The following SHISA9 variants were observed in gnomAD, a reference collection of about 807,000 sequenced individuals.
The protein encoded by SHISA9 is protein shisa-9.
A neutral mutation model predicts 38.0 loss-of-function variants in SHISA9; 13 were observed. The observed-to-expected ratio is 0.34, with a 90% CI of 0.22 to 0.54. SHISA9 has a LOEUF of 0.54. Ranked by LOEUF, SHISA9 falls within the 20% of genes least tolerant of loss-of-function variation. SHISA9 has a pLI of 0.91. For synonymous variants in SHISA9, 275 were observed against 242.0 expected, an observed-to-expected ratio of 1.14 and a Z score of -1.27; for missense variants, 538 against 575.8, an observed-to-expected ratio of 0.93 and a Z score of 0.67.
intron 2 of SHISA9, among the ~76,000 whole-genome samples, chr16:12,957,180 C>A (rs1451781934): frequency 2.0e-5 from 3 of 152,192 alleles, no homozygotes; most frequent in Admixed American, 6.5e-5. Context: ...TCAGCAGAGG[C>A]ACCTTGACAT....
the SHISA9 span, among the ~76,000 whole-genome samples, chr16:13,552,507 C>G: frequency 4.0e-5 from 6 of 151,422 alleles, no homozygotes; most frequent in African/African-American, 1.5e-4. Flanking sequence ...GTGGCAAGTG[C>G]TTTTGTTACC....
chr16:13,220,925 G>C (rs866541096), intron 4 of SHISA9, among the ~76,000 whole-genome samples: 67 of 152,252 alleles, frequency 4.4e-4, no homozygotes, highest in African/African-American at 1.6e-3. Context: ...CATGGTACAG[G>C]CTGGACAGCT....
intron 2 of SHISA9, among the ~76,000 whole-genome samples, chr16:13,177,181 A>G (rs2050738518): frequency 6.6e-6 from 1 of 152,008 alleles, no homozygotes; most frequent in Non-Finnish European, 1.5e-5. Flanking sequence ...AGTGTACAGA[A>G]CCCCCTCTCA....
the SHISA9 span, among the ~76,000 whole-genome samples, chr16:13,443,584 CT>C: frequency 1.3e-5 from 2 of 152,152 alleles, no homozygotes; most frequent in Non-Finnish European, 1.5e-5. Flanking sequence ...GGACATACCC[CT>C]CTGATCAATT....
the SHISA9 span, among the ~76,000 whole-genome samples, chr16:13,358,805 C>T: frequency 6.6e-6 from 1 of 152,166 alleles, no homozygotes; most frequent in Non-Finnish European, 1.5e-5. Flanking sequence ...TGGCTGTTTT[C>T]AGCAGAGCCA....
intron 2 of SHISA9, among the ~76,000 whole-genome samples, chr16:12,922,374 G>C (rs976105601): frequency 2.6e-5 from 4 of 152,242 alleles, no homozygotes; most frequent in Admixed American, 1.3e-4. Flanking sequence ...TGCACCTGTT[G>C]TGCTTCATGC....
intron 3 of SHISA9, among the ~76,000 whole-genome samples, chr16:13,205,792 C>T (rs377132334): frequency 4.6e-5 from 7 of 152,178 alleles, no homozygotes; most frequent in East Asian, 3.9e-4. Flanking sequence ...GACAGAGTCT[C>T]ACTGTGTCAC....
chr16:13,523,516 T>C, the SHISA9 span, among the ~76,000 whole-genome samples: 1 of 152,238 alleles, frequency 6.6e-6, no homozygotes, highest in Non-Finnish European at 1.5e-5. Context: ...ACAGGAAGCA[T>C]AGCAGCATCT....
At chr16:13,293,118 A>G in the SHISA9 span, among the ~76,000 whole-genome samples, 2 of 152,156 alleles carry the variant, frequency 1.3e-5, no homozygotes, top group Non-Finnish European at 2.9e-5. Context: ...GCCTTCACAT[A>G]TTACCCAGGA....
chr16:13,178,227 G>A (rs796719278), intron 2 of SHISA9, among the ~76,000 whole-genome samples: 6 of 152,202 alleles, frequency 3.9e-5, no homozygotes, highest in African/African-American at 1.4e-4. Flanking sequence ...TGGGTCAGGT[G>A]CACGTGTGGA....
chr16:12,927,915 C>T (rs546644331), intron 2 of SHISA9, among the ~76,000 whole-genome samples: 7 of 152,094 alleles, frequency 4.6e-5, no homozygotes, highest in Non-Finnish European at 7.3e-5. Flanking sequence ...CTTCTGGTTT[C>T]AAAGATGATT....
In SHISA9 at chr16:13,015,890, C is replaced by CTTTCTTTCTT. The variant is rs1453292285; in HGVS notation, c.691+99077_691+99086dup. Among the ~76,000 whole-genome samples, 878 of 117,122 alleles carry CTTTCTTTCTT rather than the reference C, an allele frequency of 7.5e-3. 19 individuals are homozygous for CTTTCTTTCTT. The highest frequency in any genetic ancestry group is 0.012 in the Non-Finnish European group (643 of 54,568). The allele number at this position is 117,122 out of a possible 152,430, so 76.8% of individuals were successfully genotyped here. A position where few individuals can be genotyped will look rare whatever the true frequency, so the allele number is the denominator to read the frequency against. On this transcript the variant is annotated intron_variant, in intron 2 of 4. Transcript: ENST00000558583. ...TCTTTCTTTCTTTCTTTCTTTCTTT[C>CTTTCTTTCTT]TTTCTTTCTTTCTTTCTTTTCTTTC...
chr16:13,006,636 C>G lies in SHISA9; in HGVS notation c.691+89821C>G, dbSNP rs771435679. Among the ~76,000 whole-genome samples, 19 of 152,160 alleles carry G rather than the reference C, an allele frequency of 1.2e-4. 1 individual carries two copies. Among genetic ancestry groups the G allele is most frequent in the Non-Finnish European group, 2.6e-4 (18 of 68,042 alleles). On this transcript the variant is annotated intron_variant, in intron 2 of 4. Coordinates refer to ENST00000558583, the MANE Select transcript of SHISA9 (RefSeq NM_001145204.3). The stretch of plus-strand genomic sequence containing the variant: ...GCTTACCAAATATTTATTGGATGGA[C>G]AAGTTAGCGAAGAAATGAGAAAATG...
chr16:13,382,686 C>G, the SHISA9 span, among the ~76,000 whole-genome samples: 1 of 151,812 alleles, frequency 6.6e-6, no homozygotes, highest in Non-Finnish European at 1.5e-5. Context: ...TGGTGAAACC[C>G]TGTCTGTATC....
the SHISA9 span, among the ~76,000 whole-genome samples, chr16:13,514,643 G>C: frequency 6.6e-6 from 1 of 152,110 alleles, no homozygotes; most frequent in South Asian, 2.1e-4. Flanking sequence ...ACCTTCCACA[G>C]AGGCAAAAAA....
the SHISA9 span, among the ~76,000 whole-genome samples, chr16:13,253,765 T>G: frequency 6.6e-6 from 1 of 152,138 alleles, no homozygotes; most frequent in African/African-American, 2.4e-5. Flanking sequence ...ATCAGAAATA[T>G]ATCCACTTGG....
At chr16:13,480,126 T>C in the SHISA9 span, among the ~76,000 whole-genome samples, 2 of 152,204 alleles carry the variant, frequency 1.3e-5, no homozygotes, top group East Asian at 3.9e-4. Context: ...CATGTTTTGC[T>C]TGGTGTGCGG....
chr16:13,511,568 G>C, the SHISA9 span, among the ~76,000 whole-genome samples: 1 of 152,098 alleles, frequency 6.6e-6, no homozygotes, highest in East Asian at 1.9e-4. Context: ...ACATCAGGGA[G>C]TACAAGTCAG....
intron 2 of SHISA9, among the ~76,000 whole-genome samples, chr16:12,948,656 A>G (rs1428915671): frequency 6.6e-6 from 1 of 152,124 alleles, no homozygotes; most frequent in Non-Finnish European, 1.5e-5. Flanking sequence ...GCTCCCTAGG[A>G]TCTGTCTCAT....
Sources: gnomAD v4.1 joint callset for allele counts (sites outside exome capture counted in the v4.1 genomes callset) on GRCh38, gnomAD v4.1.1 for gene constraint, MANE v1.5 for transcripts, NCBI Gene and HGNC (gene_info 2026-07-23, HGNC 2026-07-21) for gene names.